NOD2: variants seen among roughly 807,000 people sequenced by gnomAD.
The protein encoded by NOD2 is nucleotide-binding oligomerization domain-containing protein 2.
A neutral mutation model predicts 90.9 loss-of-function variants in NOD2; 86 were observed. The observed-to-expected ratio is 0.95, with a 90% CI of 0.79 to 1.13. The LOEUF (loss-of-function observed/expected upper bound fraction) is 1.13. Among genes scored for constraint, NOD2 ranks in the 50% most tolerant of loss-of-function variants. The pLI is 0.00. For missense variants in NOD2, 1,238 were observed against 1,283.8 expected, an observed-to-expected ratio of 0.96 and a Z score of 0.55; for synonymous variants, 581 against 554.6, an observed-to-expected ratio of 1.05 and a Z score of -0.67.
chr16:50,711,690 A>T lies in NOD2; in HGVS notation c.1698A>T (p.Pro566=). 6.2e-7 allele frequency: 1 copy of T among 1,613,880 alleles called. No homozygotes were observed. Among genetic ancestry groups the T allele is most frequent in the Non-Finnish European group, 8.5e-7 (1 of 1,179,996 alleles). Residue 566 remains proline, a synonymous_variant, in exon 4 of 12, where the codon CCA becomes CCT. Transcript: ENST00000647318. ...GFLVRAKGVV[P]GSTAPLEFLH... is the part of the protein sequence containing the mutation. ...TGGTGCGTGCCAAAGGTGTCGTGCC[A>T]GGGAGTACGGCGCCCCTGGAATTCC...
chr16:50,726,019 C>G (rs888729559), intron 10 of NOD2, among the ~76,000 whole-genome samples: 1 of 152,184 alleles, frequency 6.6e-6, no homozygotes, highest in Non-Finnish European at 1.5e-5. Context: ...CACCCTCACC[C>G]AGCTGAACAT....
intron 4 of NOD2, among the ~76,000 whole-genome samples, chr16:50,713,760 G>T (rs986111311): frequency 4.6e-5 from 7 of 152,020 alleles, no homozygotes; most frequent in African/African-American, 1.7e-4. Context: ...GTATGGAGAC[G>T]GCTGCCTGAG....
chr16:50,716,243 C>T (rs1336170066), intron 4 of NOD2, among the ~76,000 whole-genome samples: 3 of 152,234 alleles, frequency 2.0e-5, no homozygotes, highest in Admixed American at 6.5e-5. Context: ...AGCTCCTTTC[C>T]ACCATCATCC....
intron 11 of NOD2, among the ~76,000 whole-genome samples, chr16:50,730,148 A>G (rs1965404880): frequency 6.6e-6 from 1 of 152,232 alleles, no homozygotes; most frequent in Middle Eastern, 3.2e-3. Context: ...TCTCTGCTCT[A>G]TGAGATAGTG....
At chr16:50,717,825 T>A (rs1246998827) in intron 6 of NOD2, among the ~76,000 whole-genome samples, 1 of 152,026 alleles carries the variant, frequency 6.6e-6, no homozygotes, top group East Asian at 1.9e-4. Context: ...CTGAGAAGGG[T>A]GCTAGTTTCA....
At position 50,699,743 on chromosome 16, in the gene NOD2, C is replaced by G. The variant is rs35095295; in HGVS notation, c.248C>G (p.Ala83Gly). The change falls in exon 2 of 12, where the codon GCC (alanine) becomes GGC (glycine). Residue 83 changes from alanine (A) to glycine (G), a missense_variant. Transcript: ENST00000647318. ...AAGCTCATCGCGGCTGCCCAAGAAGCCCAGGCCGACAGCCAGTCCCCCAAG... is the reference window on the plus strand; with the variant it reads ...AAGCTCATCGCGGCTGCCCAAGAAGGCCAGGCCGACAGCCAGTCCCCCAAG... ...CQKLIAAAQE[A>G]QADSQSPKLH... The G allele has an allele frequency of 6.2e-7, 1 of 1,613,992 alleles. No individual in the cohort carries two copies. The highest frequency in any genetic ancestry group is 8.5e-7 in the Non-Finnish European group (1 of 1,180,016).
At chr16:50,700,284 A>G (rs907968079) in intron 2 of NOD2, among the ~76,000 whole-genome samples, 2 of 151,238 alleles carry the variant, frequency 1.3e-5, no homozygotes, top group South Asian at 2.1e-4. Context: ...CACCATGAAC[A>G]GCTAATTTTT....
chr16:50,709,856 G>T, intron 3 of NOD2: 2 of 428,950 alleles, frequency 4.7e-6, no homozygotes, highest in South Asian at 1.6e-5. Context: ...TTGAGAGTTT[G>T]CCATGTCAGA....
chr16:50,729,125 C>G (rs1391383796), intron 10 of NOD2: 1 of 152,838 alleles, frequency 6.5e-6, no homozygotes, highest in African/African-American at 2.4e-5. Flanking sequence ...CTTTTTAAAA[C>G]CATCAGATAT....
chr16:50,723,271 G>T, intron 8 of NOD2, 30 bp from the exon 9 acceptor site: 1 of 1,606,828 alleles, frequency 6.2e-7, no homozygotes, highest in South Asian at 1.1e-5. Flanking sequence ...TCCCTGCTCT[G>T]ACATACTTTT....
Position 50,711,440 on chromosome 16 carries a change from C to T in NOD2, c.1448C>T (p.Thr483Ile). 6.2e-7 allele frequency: 1 copy of T among 1,613,598 alleles called. No individual in the cohort carries two copies. Among genetic ancestry groups the T allele is most frequent in the Non-Finnish European group, 8.5e-7 (1 of 1,180,032 alleles). ...LLQEGGSPKT[T>I]TDMYLLILQH... Reference sequence around the variant, plus strand: ...CAGGAGGGGGGGTCCCCAAAGACCACTACAGATATGTACCTGCTGATTCTG... The same window carrying T: ...CAGGAGGGGGGGTCCCCAAAGACCATTACAGATATGTACCTGCTGATTCTG... The change falls in exon 4 of 12, where the codon ACT becomes ATT. Residue 483 changes from threonine to isoleucine, a missense_variant. Thr to Ile is a moderately conservative substitution (Grantham distance 89, BLOSUM62 -1). Coordinates refer to ENST00000647318, the MANE Select transcript of NOD2 (RefSeq NM_001370466.1).
intron 3 of NOD2, 129 bp from the exon 4 acceptor site, chr16:50,710,429 C>G: frequency 3.9e-6 from 5 of 1,271,290 alleles, no homozygotes; most frequent in Non-Finnish European, 5.7e-6. Flanking sequence ...ATGGAGGAGC[C>G]AGGATGGGCG....
chr16:50,722,418 C>G (rs996785304), intron 7 of NOD2, among the ~76,000 whole-genome samples: 13 of 152,212 alleles, frequency 8.5e-5, no homozygotes, highest in Non-Finnish European at 1.8e-4. Context: ...ACTGAAAACT[C>G]TTGGGTTAAG....
chr16:50,711,207 G>A lies in NOD2; in HGVS notation c.1215G>A (p.Ala405=), dbSNP rs779751017. Residue 405 remains alanine (A), a synonymous_variant, in exon 4 of 12, where the codon GCG becomes GCA. Coordinates refer to ENST00000647318, the MANE Select transcript of NOD2 (RefSeq NM_001370466.1). ...VVTSRPAAVS[A]FLRKYIRTEF... Reference sequence around the variant, plus strand: ...CCAGCCGTCCGGCCGCTGTGTCGGCGTTCCTCAGGAAGTACATCCGCACCG... The same window carrying A: ...CCAGCCGTCCGGCCGCTGTGTCGGCATTCCTCAGGAAGTACATCCGCACCG... 9.3e-6 allele frequency: 15 copies of A among 1,613,900 alleles called. No homozygotes were observed. Among genetic ancestry groups the A allele is most frequent in the Middle Eastern group, 1.6e-4 (1 of 6,084 alleles).
intron 10 of NOD2, among the ~76,000 whole-genome samples, chr16:50,729,604 C>G (rs1020550888): frequency 6.6e-6 from 1 of 152,182 alleles, no homozygotes; most frequent in African/African-American, 2.4e-5. Flanking sequence ...ATTTGATAAA[C>G]TCATCTAGTG....
At chr16:50,694,807 C>T (rs1963568445) in intron 1 of NOD2, among the ~76,000 whole-genome samples, 1 of 152,130 alleles carries the variant, frequency 6.6e-6, no homozygotes, top group Non-Finnish European at 1.5e-5. Flanking sequence ...AACCCCCTGC[C>T]CTCATGGAGT....
intron 2 of NOD2, among the ~76,000 whole-genome samples, chr16:50,705,573 A>G (rs1215761094): frequency 6.6e-6 from 1 of 152,228 alleles, no homozygotes; most frequent in Non-Finnish European, 1.5e-5. Context: ...TGAGTACACC[A>G]CAGACCTTTT....
intron 2 of NOD2, among the ~76,000 whole-genome samples, chr16:50,703,288 G>A (rs1327798059): frequency 1.3e-5 from 2 of 152,100 alleles, no homozygotes; most frequent in Non-Finnish European, 2.9e-5. Context: ...CCCAAATAAT[G>A]TATTGTTCTA....
Position 50,711,229 on chromosome 16 carries a change from A to G in NOD2, c.1237A>G (p.Thr413Ala). 6.2e-7 allele frequency: 1 copy of G among 1,613,960 alleles called. No individual in the cohort carries two copies. Among genetic ancestry groups the G allele is most frequent in the Non-Finnish European group, 8.5e-7 (1 of 1,180,026 alleles). Residue 413 changes from threonine (T) to alanine (A), a missense_variant, in exon 4 of 12, where the codon ACC becomes GCC. Physicochemically the swap from Thr to Ala is moderately conservative, Grantham distance 58. Around this residue, in one of 3 missense-constraint regions of NOD2, gnomAD observed 567 missense variants for 577.3 expected, o/e 0.98. Coordinates refer to ENST00000647318, the MANE Select transcript of NOD2 (RefSeq NM_001370466.1). ...VSAFLRKYIR[T>A]EFNLKGFSEQ... ...GGCGTTCCTCAGGAAGTACATCCGC[A>G]CCGAGTTCAACCTCAAGGGCTTCTC...
Sources: allele counts gnomAD v4.1 joint callset (sites outside exome capture counted in the v4.1 genomes callset), GRCh38; gene constraint gnomAD v4.1.1; regional missense constraint gnomAD v4.1.1; transcripts MANE v1.5; gene names NCBI Gene and HGNC (gene_info 2026-07-23, HGNC 2026-07-21).